The following NBDY variants were observed in gnomAD, a reference collection of about 807,000 sequenced individuals.
NBDY encodes the protein negative regulator of P-body association.
At chrX:56,814,370 A>G (rs1447574784) in intron 2 of NBDY, among the ~76,000 whole-genome samples, 1 of 110,776 alleles carries the variant, frequency 9.0e-6, no homozygotes. Context: ...CAGTTTTATT[A>G]AAGTTGATTA....
In NBDY at chrX:56,759,384, G is replaced by C. The variant is rs762788430; in HGVS notation, c.*166+27185G>C. ...GCCAAAGGAAGGGCAAAGGCTGGAT[G>C]CCGAAACAGGATTCCCACAGGGTCT... On this transcript the variant is annotated intron_variant, in intron 2 of 2. Coordinates refer to ENST00000374922, the MANE Select transcript of NBDY (RefSeq NM_001348129.2). 1.8e-3 allele frequency among the ~76,000 whole-genome samples: 197 copies of C among 112,335 alleles called. 1 individual carries two copies. The highest frequency in any genetic ancestry group is 6.1e-3 in the African/African-American group (187 of 30,902).
intron 2 of NBDY, among the ~76,000 whole-genome samples, chrX:56,752,169 G>A (rs1286177447): frequency 8.9e-6 from 1 of 112,140 alleles, no homozygotes; most frequent in Non-Finnish European, 1.9e-5. Flanking sequence ...GAACATACGA[G>A]TGCTTGTGTC....
At chrX:56,744,241 T>C (rs2069545479) in intron 2 of NBDY, among the ~76,000 whole-genome samples, 1 of 111,823 alleles carries the variant, frequency 8.9e-6, no homozygotes, top group Non-Finnish European at 1.9e-5. Context: ...TATGGTCATG[T>C]GACCTAACAT....
chrX:56,805,057 A>T (rs181371512), intron 2 of NBDY, among the ~76,000 whole-genome samples: 2 of 112,246 alleles, frequency 1.8e-5, no homozygotes, highest in Admixed American at 9.4e-5. Flanking sequence ...GAGGGGTATG[A>T]CCTACTCTCA....
At chrX:56,743,697 C>A (rs5960789) in intron 2 of NBDY, among the ~76,000 whole-genome samples, 1 of 108,808 alleles carries the variant, frequency 9.2e-6, no homozygotes, top group African/African-American at 3.3e-5. Context: ...TAAAGGTTTG[C>A]CAAATTTGTT....
intron 2 of NBDY, among the ~76,000 whole-genome samples, chrX:56,798,423 C>A (rs2069804590): frequency 9.0e-6 from 1 of 111,542 alleles, no homozygotes; most frequent in Non-Finnish European, 1.9e-5. Context: ...ACAGCCTGTG[C>A]AGAGTCAGAC....
At chrX:56,759,680 G>A (rs888198831) in intron 2 of NBDY, among the ~76,000 whole-genome samples, 24 of 111,749 alleles carry the variant, frequency 2.1e-4, no homozygotes, top group Non-Finnish European at 1.7e-4. Flanking sequence ...GTGCTAAACA[G>A]ATGGCGACAA....
intron 2 of NBDY, among the ~76,000 whole-genome samples, chrX:56,745,860 A>G (rs1289914468): frequency 9.0e-6 from 1 of 110,879 alleles, no homozygotes; most frequent in African/African-American, 3.3e-5. Flanking sequence ...CGTTTTTAGC[A>G]AGAAGACTAC....
At chrX:56,794,754 G>T (rs776892977) in intron 2 of NBDY, among the ~76,000 whole-genome samples, 2 of 112,327 alleles carry the variant, frequency 1.8e-5, no homozygotes, top group Admixed American at 1.9e-4. Flanking sequence ...AGACCAGGCC[G>T]AATGCTGGTG....
chrX:56,735,345 A>G (rs1164301264), intron 2 of NBDY, among the ~76,000 whole-genome samples: 1 of 112,717 alleles, frequency 8.9e-6, no homozygotes, highest in Non-Finnish European at 1.9e-5. Context: ...ATCTGGAAAC[A>G]TAGAATAGGC....
At chrX:56,784,877 G>A (rs1401057799) in intron 2 of NBDY, among the ~76,000 whole-genome samples, 2 of 112,511 alleles carry the variant, frequency 1.8e-5, no homozygotes, top group African/African-American at 3.2e-5. Flanking sequence ...AGCCATGACC[G>A]CGTTGCTCTA....
intron 2 of NBDY, among the ~76,000 whole-genome samples, chrX:56,732,502 A>T (rs1048312659): frequency 1.3e-4 from 14 of 111,602 alleles, no homozygotes; most frequent in African/African-American, 4.2e-4. Context: ...TTTATTTTAT[A>T]TGCTGGAGCC....
intron 2 of NBDY, among the ~76,000 whole-genome samples, chrX:56,755,187 C>G (rs987482092): frequency 5.4e-5 from 6 of 111,981 alleles, no homozygotes; most frequent in Non-Finnish European, 1.1e-4. Context: ...CATAAAAACC[C>G]TAGAAGAAAA....
intron 2 of NBDY, among the ~76,000 whole-genome samples, chrX:56,753,850 G>A (rs1255774426): frequency 9.0e-6 from 1 of 111,349 alleles, no homozygotes; most frequent in African/African-American, 3.3e-5. Flanking sequence ...ACTTTGGTAA[G>A]AGAAGATTTA....
At chrX:56,744,705 T>G (rs764436274) in intron 2 of NBDY, among the ~76,000 whole-genome samples, 33 of 111,346 alleles carry the variant, frequency 3.0e-4, no homozygotes, top group African/African-American at 1.0e-3. Context: ...TGCCATTCTT[T>G]TCCAAGGGAG....
intron 2 of NBDY, among the ~76,000 whole-genome samples, chrX:56,750,155 A>G (rs1460023478): frequency 9.0e-6 from 1 of 111,516 alleles, no homozygotes; most frequent in Non-Finnish European, 1.9e-5. Context: ...TTTAAACAAC[A>G]ATGAAGAGAT....
intron 2 of NBDY, among the ~76,000 whole-genome samples, chrX:56,764,278 C>T (rs1462138389): frequency 5.3e-5 from 6 of 112,158 alleles, no homozygotes; most frequent in Non-Finnish European, 9.4e-5. Context: ...CAAGGGAACC[C>T]CGGAACTCCC....
At chrX:56,741,019 T>G (rs1461849673) in intron 2 of NBDY, among the ~76,000 whole-genome samples, 2 of 111,033 alleles carry the variant, frequency 1.8e-5, no homozygotes, top group Non-Finnish European at 3.8e-5. Context: ...GGTAACCATC[T>G]TTCTACTCTC....
intron 2 of NBDY, among the ~76,000 whole-genome samples, chrX:56,784,011 C>T (rs1199057525): frequency 9.0e-6 from 1 of 111,606 alleles, no homozygotes; most frequent in Non-Finnish European, 1.9e-5. Context: ...ACCAGAGGAG[C>T]CTATCCTCAA....
Sources: allele counts gnomAD v4.1 joint callset (sites outside exome capture counted in the v4.1 genomes callset), GRCh38; gene constraint gnomAD v4.1.1; transcripts MANE v1.5; gene names NCBI Gene and HGNC (gene_info 2026-07-23, HGNC 2026-07-21).